AP1G1: variants seen among roughly 807,000 people sequenced by gnomAD.
AP1G1 encodes adaptor related protein complex 1 subunit gamma 1.
In AP1G1, 7 loss-of-function variants were observed where a neutral mutation model predicts 108.3. The observed-to-expected ratio is 0.06, with a 90% CI of 0.04 to 0.12. The LOEUF is 0.12. Among genes scored for constraint, AP1G1 ranks in the 10% least tolerant of loss-of-function variants. The pLI, the probability that AP1G1 is intolerant of heterozygous loss-of-function variation, is 1.00. For synonymous variants in AP1G1, 379 were observed against 353.5 expected (o/e 1.07, Z -0.81); for missense variants, 756 against 1,010.7 (o/e 0.75, Z 3.42).
chr16:71,788,060 C>G (rs2032271397), intron 2 of AP1G1, among the ~76,000 whole-genome samples: 1 of 152,104 alleles, frequency 6.6e-6, no homozygotes, highest in African/African-American at 2.4e-5. Flanking sequence ...TCATGTATTT[C>G]TAAAGATGTT....
At position 71,748,299 on chromosome 16, in the gene AP1G1, G is replaced by A; in HGVS notation, c.1577C>T (p.Ala526Val). ...NMSTSVTRGY[A>V]LTAIMKLSTR... ...GGAAAGCTTCATAATGGCAGTGAGG[G>A]CATAACCTCGTGTCACAGAGGTGGA... Residue 526 changes from alanine (A) to valine (V), a missense_variant, in exon 16 of 23, where the codon GCC becomes GTC. By Grantham distance (64) the Ala-to-Val change is moderately conservative. Coordinates refer to ENST00000299980, the MANE Select transcript of AP1G1 (RefSeq NM_001128.6). The A allele has an allele frequency of 6.2e-7, 1 of 1,613,882 alleles. No homozygotes were observed. Among genetic ancestry groups the A allele is most frequent in the Non-Finnish European group, 8.5e-7 (1 of 1,179,858 alleles).
chr16:71,756,642 A>C (rs1208871651), intron 11 of AP1G1, among the ~76,000 whole-genome samples: 1 of 152,134 alleles, frequency 6.6e-6, no homozygotes, highest in Non-Finnish European at 1.5e-5. Context: ...AGAAAATTCA[A>C]ATTAAAAACA....
intron 2 of AP1G1, among the ~76,000 whole-genome samples, chr16:71,776,490 A>AT: frequency 6.6e-6 from 1 of 152,350 alleles, no homozygotes; most frequent in South Asian, 2.1e-4. Flanking sequence ...AAATTTACTA[A>AT]GGTGAATGAG....
intron 1 of AP1G1, among the ~76,000 whole-genome samples, chr16:71,798,926 A>G (rs1470446096): frequency 1.3e-5 from 2 of 152,042 alleles, no homozygotes; most frequent in Non-Finnish European, 2.9e-5. Flanking sequence ...AGACAAGAAA[A>G]ATACACGTGC....
At chr16:71,794,835 C>CCTTTTTTT (rs574266046) in intron 1 of AP1G1, among the ~76,000 whole-genome samples, 2 of 39,656 alleles carry the variant, frequency 5.0e-5, no homozygotes, top group South Asian at 1.4e-3. Flanking sequence ...ATGAGAAGTG[C>CCTTTTTTT]TTTTTTTTTT....
chr16:71,736,117 A>AAAAAAAAAAAAAAATAT (rs1555550846), intron 21 of AP1G1, among the ~76,000 whole-genome samples: 4 of 71,616 alleles, frequency 5.6e-5, no homozygotes, highest in East Asian at 4.7e-4. Flanking sequence ...AAAAAAAAAA[A>AAAAAAAAAAAAAAATAT]ATATATATAT....
chr16:71,808,817 A>G lies in AP1G1; in HGVS notation c.-58T>C. 2.3e-6 allele frequency: 3 copies of G among 1,289,736 alleles called. No individual in the cohort carries two copies. Among genetic ancestry groups the G allele is most frequent in the Non-Finnish European group, 2.0e-6 (2 of 988,802 alleles). The allele number at this position is 1,289,736 out of a possible 1,614,324, so 79.9% of individuals were successfully genotyped here. On this transcript the variant is annotated 5_prime_UTR_variant, in exon 1 of 23. Coordinates refer to ENST00000299980, the MANE Select transcript of AP1G1 (RefSeq NM_001128.6). ...CTCCGGGGGCGGCGGCAGCAGTGGC[A>G]GCAGGAACCGAACATCCAAAATGGC...
At chr16:71,788,050 T>G (rs893282450) in intron 2 of AP1G1, among the ~76,000 whole-genome samples, 7 of 152,128 alleles carry the variant, frequency 4.6e-5, no homozygotes, top group Non-Finnish European at 1.0e-4. Context: ...CCACTCTTGA[T>G]CATGTATTTC....
intron 1 of AP1G1, among the ~76,000 whole-genome samples, chr16:71,790,488 T>C (rs868711535): frequency 1.3e-4 from 19 of 150,646 alleles, no homozygotes; most frequent in Middle Eastern, 3.4e-3. Context: ...GATTGCACCA[T>C]TGCCCTCTAG....
intron 1 of AP1G1, chr16:71,808,442 C>A (rs1213141086): frequency 2.5e-6 from 3 of 1,189,152 alleles, no homozygotes; most frequent in East Asian, 5.9e-5. Flanking sequence ...AAACCCCAGG[C>A]TCCCTGAATG....
intron 2 of AP1G1, among the ~76,000 whole-genome samples, chr16:71,783,917 T>C (rs982450193): frequency 6.6e-6 from 1 of 152,220 alleles, no homozygotes; most frequent in Non-Finnish European, 1.5e-5. Context: ...CCACCAGTTT[T>C]CTACTCCTGC....
At chr16:71,778,483 G>A (rs2145500041) in intron 2 of AP1G1, among the ~76,000 whole-genome samples, 1 of 152,194 alleles carries the variant, frequency 6.6e-6, no homozygotes, top group East Asian at 1.9e-4. Context: ...AGGAGTTCTA[G>A]ACCAGCCTGC....
At position 71,748,320 on chromosome 16, in the gene AP1G1, G is replaced by T. The variant is rs766223590; in HGVS notation, c.1556C>A (p.Thr519Asn). 121 of 1,613,620 alleles carry T rather than the reference G, an allele frequency of 7.5e-5. No individual in the cohort carries two copies. The highest frequency in any genetic ancestry group is 9.7e-5 in the Non-Finnish European group (115 of 1,179,692). The part of the protein sequence containing the change: ...LESVLISNMS[T>N]SVTRGYALTA... The stretch of plus-strand genomic sequence containing the variant: ...GAGGGCATAACCTCGTGTCACAGAG[G>T]TGGACATATTAGAGATTAGGACACT... Residue 519 changes from threonine to asparagine, a missense_variant, in exon 16 of 23, where the codon ACC becomes AAC. Transcript: ENST00000299980.
At chr16:71,788,987 C>T (rs1178821636) in intron 2 of AP1G1, among the ~76,000 whole-genome samples, 1 of 152,164 alleles carries the variant, frequency 6.6e-6, no homozygotes. Context: ...TCATTATAGT[C>T]CAGGTACTCT....
chr16:71,804,172 G>A lies in AP1G1; in HGVS notation c.-4+4591C>T, dbSNP rs181865250. Among the ~76,000 whole-genome samples, 1,062 of 146,262 alleles carry A rather than the reference G, an allele frequency of 7.3e-3. 25 individuals are homozygous for A. Among genetic ancestry groups the A allele is most frequent in the African/African-American group, 0.025 (1,012 of 39,778 alleles). Reference sequence around the variant, plus strand: ...AGTGATTCTCCTGCCTCAGTCTCCCGAGTAGCTGGGACTACAGGCGCGCAC... The same window carrying A: ...AGTGATTCTCCTGCCTCAGTCTCCCAAGTAGCTGGGACTACAGGCGCGCAC... On this transcript the variant is annotated intron_variant, in intron 1 of 22. Coordinates refer to ENST00000299980, the MANE Select transcript of AP1G1 (RefSeq NM_001128.6).
intron 19 of AP1G1, chr16:71,743,087 T>G (rs1287422824): frequency 2.0e-5 from 3 of 152,202 alleles, no homozygotes; most frequent in African/African-American, 7.2e-5. Flanking sequence ...GCTATATATA[T>G]TAACATGGAA....
In AP1G1 at chr16:71,789,382, G is replaced by T. The variant is rs960439219; in HGVS notation, c.98C>A (p.Ala33Glu). ...TTCTTCTCTAAAAGATGACCGGATT[G>T]CAGCACATTCTTTCTGGATCATTTC... ...EREMIQKECA[A>E]IRSSFREEDN... Residue 33 changes from alanine (A) to glutamate (E), a missense_variant, in exon 2 of 23, where the codon GCA (alanine) becomes GAA (glutamate). By Grantham distance (107) the Ala-to-Glu change is moderately radical. Around this residue, in one of 3 missense-constraint regions of AP1G1, gnomAD observed 304 missense variants for 483.6 expected, o/e 0.63. Coordinates refer to ENST00000299980, the MANE Select transcript of AP1G1 (RefSeq NM_001128.6). 2 of 1,614,070 alleles carry T rather than the reference G, an allele frequency of 1.2e-6. No individual in the cohort carries two copies. The highest frequency in any genetic ancestry group is 2.7e-5 in the African/African-American group (2 of 74,926).
intron 10 of AP1G1, among the ~76,000 whole-genome samples, chr16:71,759,588 G>A (rs1016682247): frequency 5.9e-5 from 9 of 151,880 alleles, no homozygotes; most frequent in Non-Finnish European, 1.3e-4. Context: ...GTGAAACCAC[G>A]TCTCTACTAA....
At chr16:71,764,552 G>T (rs888173760) in intron 8 of AP1G1, 94 bp downstream of exon 8, 71 of 1,255,798 alleles carry the variant, frequency 5.7e-5, no homozygotes, top group Non-Finnish European at 7.2e-5. Context: ...TATGAATGAG[G>T]AAACACAAAT....
Sources: gnomAD v4.1 joint callset for allele counts (sites outside exome capture counted in the v4.1 genomes callset) on GRCh38, gnomAD v4.1.1 for gene constraint, gnomAD v4.1.1 regional missense constraint, MANE v1.5 for transcripts, NCBI Gene and HGNC (gene_info 2026-07-23, HGNC 2026-07-21) for gene names.